Variants in CNOT11 observed in about 807,000 individuals in gnomAD.
The protein encoded by CNOT11 is CCR4-NOT transcription complex subunit 11.
In CNOT11, 18 loss-of-function variants were observed where a neutral mutation model predicts 44.6. The ratio of observed to expected loss-of-function variants is 0.40; its 90% CI spans 0.28 to 0.60. CNOT11 has a LOEUF of 0.60. Among genes scored for constraint, CNOT11 ranks in the 20% least tolerant of loss-of-function variants. CNOT11 has a pLI of 0.38. For missense variants in CNOT11, 513 were observed against 677.0 expected (o/e 0.76, Z 2.69); for synonymous variants, 291 against 270.9 (o/e 1.07, Z -0.73).
In CNOT11 at chr2:101,266,684, G is replaced by A; in HGVS notation, c.1043G>A (p.Gly348Asp). ...AAAATCTGGTGTATTTAGCTACTTG[G>A]TGAGTTGGAAAAAGACCCCAAACTT... ...LSSPQQTQLL[G>D]ELEKDPKLVY... Residue 348 changes from glycine (G) to aspartate (D), a missense_variant, in exon 5 of 7, where the codon GGT becomes GAT. Physicochemically the swap from Gly to Asp is moderately conservative, Grantham distance 94. Transcript: ENST00000289382. 1 of 1,613,518 alleles carries A rather than the reference G, an allele frequency of 6.2e-7. No individual in the cohort carries two copies. The highest frequency in any genetic ancestry group is 2.2e-5 in the East Asian group (1 of 44,858).
At chr2:101,262,794 T>A in intron 3 of CNOT11, 103 bp downstream of exon 3, 2 of 869,534 alleles carry the variant, frequency 2.3e-6, no homozygotes, top group Non-Finnish European at 3.6e-6. Flanking sequence ...TATTATGACT[T>A]AAATTGTAAT....
intron 1 of CNOT11, among the ~76,000 whole-genome samples, chr2:101,254,376 GT>G (rs1681692886): frequency 6.6e-6 from 1 of 152,124 alleles, no homozygotes. Context: ...CCAGGAGTTT[GT>G]TTTTATGGTA....
At chr2:101,256,878 CT>C (rs1573197204) in intron 1 of CNOT11, among the ~76,000 whole-genome samples, 1 of 151,786 alleles carries the variant, frequency 6.6e-6, no homozygotes. Flanking sequence ...GAAACCCTGT[CT>C]TTACTAAAAA....
At chr2:101,265,523 C>A (rs1321023183) in intron 4 of CNOT11, among the ~76,000 whole-genome samples, 2 of 152,158 alleles carry the variant, frequency 1.3e-5, no homozygotes, top group Non-Finnish European at 2.9e-5. Context: ...GTCTCTGAAG[C>A]TTTGTTCTAC....
chr2:101,259,040 G>T (rs1446354293), intron 2 of CNOT11, among the ~76,000 whole-genome samples: 1 of 151,720 alleles, frequency 6.6e-6, no homozygotes, highest in African/African-American at 2.4e-5. Context: ...AGGCTTAAGT[G>T]GGAGAATCAC....
At chr2:101,263,348 T>C (rs748011400) in intron 3 of CNOT11, among the ~76,000 whole-genome samples, 1 of 152,254 alleles carries the variant, frequency 6.6e-6, no homozygotes. Context: ...GTTTTTCTTA[T>C]AAACTCCTAA....
At chr2:101,268,952 C>A in intron 5 of CNOT11, 88 bp from the exon 6 acceptor site, 1 of 841,354 alleles carries the variant, frequency 1.2e-6, no homozygotes, top group South Asian at 1.8e-5. Flanking sequence ...CACCAGATGA[C>A]CAAAGCAAAT....
chr2:101,264,487 G>A (rs1270594755), intron 3 of CNOT11, among the ~76,000 whole-genome samples: 1 of 152,206 alleles, frequency 6.6e-6, no homozygotes, highest in Non-Finnish European at 1.5e-5. Flanking sequence ...TGAGGGCATA[G>A]TATTTCATTT....
At chr2:101,262,475 T>C in intron 2 of CNOT11, 64 bp from the exon 3 acceptor site, 1 of 1,476,802 alleles carries the variant, frequency 6.8e-7, no homozygotes, top group East Asian at 2.3e-5. Context: ...CTTGCCTCAG[T>C]TGGTAGCTTG....
intron 1 of CNOT11, among the ~76,000 whole-genome samples, chr2:101,254,781 C>T (rs1681701703): frequency 6.6e-6 from 1 of 151,984 alleles, no homozygotes; most frequent in Non-Finnish European, 1.5e-5. Flanking sequence ...ACCTGTAGCC[C>T]CAGCTGCTCA....
chr2:101,267,422 A>G (rs889262769), intron 5 of CNOT11, among the ~76,000 whole-genome samples: 4 of 152,132 alleles, frequency 2.6e-5, no homozygotes, highest in Non-Finnish European at 4.4e-5. Flanking sequence ...GTGCCAGCCA[A>G]TTGCTGAAAT....
Sources: allele counts gnomAD v4.1 joint callset (sites outside exome capture counted in the v4.1 genomes callset), GRCh38; gene constraint gnomAD v4.1.1; transcripts MANE v1.5; gene names NCBI Gene and HGNC (gene_info 2026-07-23, HGNC 2026-07-21).